CCPG1: variants seen among roughly 807,000 people sequenced by gnomAD.
The protein encoded by CCPG1 is cell cycle progression 1, also known as cell cycle progression protein 1.
CCPG1 carries 46 observed loss-of-function variants against 81.3 expected under a neutral mutation model. That is an observed-to-expected ratio of 0.57 (90% CI 0.45 to 0.72). CCPG1 has a LOEUF of 0.72. Ranked by LOEUF, CCPG1 falls within the 30% of genes least tolerant of loss-of-function variation. CCPG1 has a pLI of 0.00. For synonymous variants in CCPG1, 330 were observed against 305.2 expected (o/e 1.08, Z -0.85); for missense variants, 902 against 937.6 (o/e 0.96, Z 0.50).
At chr15:55,372,257 C>A in intron 5 of CCPG1, 1 of 584,816 alleles carries the variant, frequency 1.7e-6, no homozygotes, top group Non-Finnish European at 3.0e-6. Flanking sequence ...ACACAAGAAT[C>A]TGTTAATCAT....
intron 1 of CCPG1, among the ~76,000 whole-genome samples, chr15:55,392,551 C>A (rs1228789028): frequency 6.6e-6 from 1 of 150,936 alleles, no homozygotes; most frequent in Admixed American, 6.6e-5. Flanking sequence ...GACAGGATTT[C>A]GCTTTGTCAC....
At chr15:55,400,203 CAAAAAAAAAAAAA>C (rs61331208) in intron 1 of CCPG1, among the ~76,000 whole-genome samples, 1 of 32,954 alleles carries the variant, frequency 3.0e-5, no homozygotes, top group African/African-American at 1.6e-4. Context: ...TACTCTACCT[CAAAAAAAAAAAAA>C]AAAAAAAAAA....
intron 7 of CCPG1, among the ~76,000 whole-genome samples, chr15:55,363,522 C>T (rs1056676927): frequency 4.7e-5 from 7 of 150,452 alleles, no homozygotes; most frequent in African/African-American, 1.7e-4. Flanking sequence ...AAAAACTGAA[C>T]TATTTATAAT....
At position 55,356,116 on chromosome 15, in the gene CCPG1, AG is replaced by A. The variant is rs1194393816; in HGVS notation, c.*103del. On this transcript the variant is annotated 3_prime_UTR_variant, in exon 9 of 9. Transcript: ENST00000442196. The stretch of plus-strand genomic sequence containing the variant: ...TATCAAACTGATACTTAGAAACAAA[AG>A]AAAAGACATTGTCATCTTGGTAATT... 1 of 878,624 alleles carries A rather than the reference AG, an allele frequency of 1.1e-6. No homozygotes were observed. Among genetic ancestry groups the A allele is most frequent in the African/African-American group, 1.7e-5 (1 of 57,680 alleles). The allele number at this position is 878,624 out of a possible 1,614,324, so 54.4% of individuals were successfully genotyped here.
At chr15:55,376,861 A>G in intron 5 of CCPG1, 88 bp downstream of exon 5, 1 of 942,090 alleles carries the variant, frequency 1.1e-6, no homozygotes, top group Non-Finnish European at 1.6e-6. Flanking sequence ...ATTCAAAACT[A>G]GAGACTAAAT....
At chr15:55,402,613 G>A (rs913133185) in intron 1 of CCPG1, among the ~76,000 whole-genome samples, 2 of 152,180 alleles carry the variant, frequency 1.3e-5, no homozygotes, top group African/African-American at 2.4e-5. Context: ...TCAAGGGTCA[G>A]ATCCTCTCAT....
chr15:55,391,412 G>A (rs1050319064), intron 1 of CCPG1, among the ~76,000 whole-genome samples: 1 of 152,170 alleles, frequency 6.6e-6, no homozygotes, highest in African/African-American at 2.4e-5. Flanking sequence ...CACTGCACCT[G>A]GCCTAAACTG....
chr15:55,381,202 G>C (rs528989284), intron 3 of CCPG1, among the ~76,000 whole-genome samples: 1 of 151,394 alleles, frequency 6.6e-6, no homozygotes, highest in Non-Finnish European at 1.5e-5. Flanking sequence ...TTGGGAGGCC[G>C]AGGCAGACTG....
At chr15:55,399,433 A>C (rs1241802629) in intron 1 of CCPG1, among the ~76,000 whole-genome samples, 2 of 151,216 alleles carry the variant, frequency 1.3e-5, no homozygotes, top group East Asian at 1.9e-4. Context: ...AAAAAAAAAA[A>C]AAAAAACTAG....
chr15:55,373,114 G>T (rs2056489195), intron 5 of CCPG1: 2 of 458,908 alleles, frequency 4.4e-6, no homozygotes, highest in African/African-American at 2.1e-5. Flanking sequence ...GGGAAAATTT[G>T]CACAAGAAAT....
At chr15:55,402,168 T>C (rs2057140957) in intron 1 of CCPG1, among the ~76,000 whole-genome samples, 1 of 152,220 alleles carries the variant, frequency 6.6e-6, no homozygotes, top group South Asian at 2.1e-4. Flanking sequence ...CTTTATTAAT[T>C]AGTATTAAGT....
chr15:55,365,363 T>G, intron 6 of CCPG1, 54 bp from the exon 7 acceptor site: 1 of 1,066,188 alleles, frequency 9.4e-7, no homozygotes, highest in Non-Finnish European at 1.4e-6. Flanking sequence ...TCATTAAATG[T>G]TTTATGTATT....
intron 1 of CCPG1, among the ~76,000 whole-genome samples, chr15:55,397,986 A>AAAG (rs113759616): frequency 0.98 from 148,599 of 151,608 alleles, 72,877 homozygotes; most frequent in Non-Finnish European, 1. Flanking sequence ...CAAGAAAAAA[A>AAAG]AAGAAGAAGA....
chr15:55,371,591 C>T (rs1370087228), intron 6 of CCPG1, among the ~76,000 whole-genome samples: 1 of 152,158 alleles, frequency 6.6e-6, no homozygotes, highest in African/African-American at 2.4e-5. Flanking sequence ...TTCTTAATAA[C>T]TACTACCTTA....
At chr15:55,379,938 A>C (rs2056646207) in intron 3 of CCPG1, among the ~76,000 whole-genome samples, 1 of 151,878 alleles carries the variant, frequency 6.6e-6, no homozygotes, top group Non-Finnish European at 1.5e-5. Flanking sequence ...GTTTCTACTA[A>C]AAATACAAAA....
At chr15:55,407,039 C>CCACCCCA in intron 1 of CCPG1, among the ~76,000 whole-genome samples, 1 of 131,458 alleles carries the variant, frequency 7.6e-6, no homozygotes, top group African/African-American at 3.4e-5. Flanking sequence ...ACGTTGAGAC[C>CCACCCCA]CCCCCCCCCG....
At chr15:55,363,749 G>T (rs907995403) in intron 7 of CCPG1, among the ~76,000 whole-genome samples, 1 of 149,672 alleles carries the variant, frequency 6.7e-6, no homozygotes, top group Admixed American at 6.7e-5. Flanking sequence ...GTGAGAATTG[G>T]GGGTGGAAAA....
intron 5 of CCPG1, among the ~76,000 whole-genome samples, chr15:55,376,106 A>C (rs1258706298): frequency 6.6e-6 from 1 of 152,232 alleles, no homozygotes; most frequent in South Asian, 2.1e-4. Context: ...AAATTATCTA[A>C]AATAGATACT....
intron 1 of CCPG1, among the ~76,000 whole-genome samples, chr15:55,396,633 AAC>A (rs1262285030): frequency 1.3e-5 from 2 of 152,212 alleles, no homozygotes; most frequent in East Asian, 3.8e-4. Flanking sequence ...TGTCGACAAA[AAC>A]AGTCAAACCC....
Sources: allele counts gnomAD v4.1 joint callset (sites outside exome capture counted in the v4.1 genomes callset), GRCh38; gene constraint gnomAD v4.1.1; transcripts MANE v1.5; gene names NCBI Gene and HGNC (gene_info 2026-07-23, HGNC 2026-07-21).